Variants in LGR4 observed in about 807,000 individuals in gnomAD.
The protein encoded by LGR4 is leucine rich repeat containing G protein-coupled receptor 4, also known as leucine-rich repeat-containing G protein-coupled receptor 4.
LGR4 carries 44 observed loss-of-function variants against 84.8 expected under a neutral mutation model. The observed-to-expected ratio is 0.52, with a 90% confidence interval of 0.41 to 0.67. The LOEUF (loss-of-function observed/expected upper bound fraction) is 0.67, where lower values mean the gene tolerates loss of function less well. LGR4 is among the 30% of genes least tolerant of loss of function. LGR4 has a pLI of 0.00. For missense variants in LGR4, 1,032 were observed against 1,131.4 expected (o/e 0.91, Z 1.26); for synonymous variants, 429 against 434.3 (o/e 0.99, Z 0.15).
At chr11:27,399,071 CG>C (rs1863447120) in intron 2 of LGR4, among the ~76,000 whole-genome samples, 1 of 152,020 alleles carries the variant, frequency 6.6e-6, no homozygotes, top group Non-Finnish European at 1.5e-5. Context: ...CCACCACACT[CG>C]GCTAATTCTG....
intron 1 of LGR4, among the ~76,000 whole-genome samples, chr11:27,419,823 C>A (rs949946545): frequency 6.6e-6 from 1 of 151,748 alleles, no homozygotes; most frequent in Admixed American, 6.6e-5. Flanking sequence ...GTAAAAGAGG[C>A]TAGATGCAAC....
intron 1 of LGR4, among the ~76,000 whole-genome samples, chr11:27,465,336 C>T (rs760236877): frequency 6.6e-6 from 1 of 152,188 alleles, no homozygotes; most frequent in South Asian, 2.1e-4. Flanking sequence ...AGATGCATAA[C>T]GCCAAATCTT....
chr11:27,445,641 G>C (rs1864377355), intron 1 of LGR4, among the ~76,000 whole-genome samples: 1 of 152,110 alleles, frequency 6.6e-6, no homozygotes, highest in Non-Finnish European at 1.5e-5. Flanking sequence ...CATTTTGGGA[G>C]GCCGAGTAGA....
intron 2 of LGR4, among the ~76,000 whole-genome samples, chr11:27,401,928 G>T (rs189135544): frequency 6.6e-6 from 1 of 152,210 alleles, no homozygotes; most frequent in Non-Finnish European, 1.5e-5. Flanking sequence ...CTGCTAAGTG[G>T]TGAGAAGTAG....
chr11:27,447,349 C>T (rs1454555977), intron 1 of LGR4, among the ~76,000 whole-genome samples: 5 of 152,050 alleles, frequency 3.3e-5, no homozygotes, highest in African/African-American at 1.2e-4. Context: ...GTGTAAGCGT[C>T]CTCTGGACAT....
chr11:27,459,258 C>A (rs1864631395), intron 1 of LGR4, among the ~76,000 whole-genome samples: 1 of 152,152 alleles, frequency 6.6e-6, no homozygotes, highest in Admixed American at 6.6e-5. Flanking sequence ...AAATCATCAA[C>A]TTCTGTCTGT....
At position 27,449,808 on chromosome 11, in the gene LGR4, A is replaced by T. The variant is rs140894435; in HGVS notation, c.185+22310T>A. Among the ~76,000 whole-genome samples the T allele has an allele frequency of 1.9e-3, 294 of 152,324 alleles. 2 individuals carry two copies. Among genetic ancestry groups the T allele is most frequent in the African/African-American group, 6.8e-3 (282 of 41,576 alleles). ...AAACTCTTTAAAAACACTCCAGAAA[A>T]TATAACAGGATGACCTTCAATTGTT... On this transcript the variant is annotated intron_variant, in intron 1 of 17. Coordinates refer to ENST00000379214, the MANE Select transcript of LGR4 (RefSeq NM_018490.5).
chr11:27,447,472 G>A (rs1222503161), intron 1 of LGR4, among the ~76,000 whole-genome samples: 3 of 152,062 alleles, frequency 2.0e-5, no homozygotes, highest in Non-Finnish European at 4.4e-5. Context: ...TACCCTATAT[G>A]GTCTGAAAGG....
chr11:27,437,660 A>T (rs888297266), intron 1 of LGR4, among the ~76,000 whole-genome samples: 1 of 140,044 alleles, frequency 7.1e-6, no homozygotes, highest in African/African-American at 2.7e-5. Flanking sequence ...TTAAAGGACT[A>T]GTGTGTGTGT....
intron 1 of LGR4, among the ~76,000 whole-genome samples, chr11:27,423,670 A>G (rs1180419716): frequency 6.6e-6 from 1 of 152,250 alleles, no homozygotes; most frequent in Admixed American, 6.5e-5. Context: ...CTAATGATTT[A>G]TTCAGCAGAG....
At chr11:27,377,096 C>T (rs1862997637) in intron 12 of LGR4, 62 bp downstream of exon 12, 11 of 939,780 alleles carry the variant, frequency 1.2e-5, no homozygotes, top group South Asian at 7.7e-5. Flanking sequence ...ATTAAAAATA[C>T]GAAATGCTCA....
At chr11:27,405,896 T>C (rs1863598398) in intron 2 of LGR4, among the ~76,000 whole-genome samples, 1 of 152,166 alleles carries the variant, frequency 6.6e-6, no homozygotes, top group African/African-American at 2.4e-5. Context: ...ACTACATTTA[T>C]TGAAGGTCAT....
chr11:27,444,012 A>G (rs1864346099), intron 1 of LGR4, among the ~76,000 whole-genome samples: 1 of 152,116 alleles, frequency 6.6e-6, no homozygotes, highest in African/African-American at 2.4e-5. Flanking sequence ...GGTCTTTCAA[A>G]GCCCTTAATT....
chr11:27,451,788 A>G (rs1309226618), intron 1 of LGR4, among the ~76,000 whole-genome samples: 1 of 152,234 alleles, frequency 6.6e-6, no homozygotes, highest in African/African-American at 2.4e-5. Flanking sequence ...ACAGGCAGAG[A>G]TCCAAGGTCA....
rs1279950055 is a variant in LGR4 at position 27,385,294 on chromosome 11, G to A, written c.576C>T (p.Ile192=). Residue 192 remains isoleucine, a synonymous_variant, in exon 5 of 18, where the codon ATC becomes ATT. Transcript: ENST00000379214. The part of the protein sequence containing the change: ...LTLALNKISS[I]PDFAFTNLSS... ...AAAGGTTGGTAAATGCAAAGTCAGGGATGCTTGAGATCTTGTTGAGAGCCA... is the reference window on the plus strand; with the variant it reads ...AAAGGTTGGTAAATGCAAAGTCAGGAATGCTTGAGATCTTGTTGAGAGCCA... 1.9e-6 allele frequency: 3 copies of A among 1,599,596 alleles called. No homozygotes were observed. Among genetic ancestry groups the A allele is most frequent in the Non-Finnish European group, 2.6e-6 (3 of 1,172,044 alleles).
chr11:27,384,145 G>C (rs1863146595), intron 6 of LGR4, 191 bp downstream of exon 6: 2 of 494,426 alleles, frequency 4.0e-6, no homozygotes, highest in East Asian at 6.8e-5. Flanking sequence ...TTCACACTTT[G>C]CCATTTTTAG....
intron 1 of LGR4, among the ~76,000 whole-genome samples, chr11:27,448,554 AGT>A (rs1864431689): frequency 6.6e-6 from 1 of 152,088 alleles, no homozygotes; most frequent in East Asian, 1.9e-4. Context: ...AGCCTCCCAA[AGT>A]GCTAGGATTA....
chr11:27,396,527 T>A (rs1308186938), intron 2 of LGR4, among the ~76,000 whole-genome samples: 10 of 151,614 alleles, frequency 6.6e-5, no homozygotes, highest in East Asian at 1.9e-4. Flanking sequence ...TTGTTTGTTT[T>A]TTATTATTAT....
Position 27,472,266 on chromosome 11 carries a change from G to T in LGR4, c.37C>A (p.Leu13Met). Reference protein sequence around the residue: ...GPLGLLCFLALGLLGSAGPSG... With the variant: ...GPLGLLCFLAMGLLGSAGPSG... ...GGCCCGGCCGAGCCGAGCAGCCCCA[G>T]GGCGAGGAAGCAGAGCAGCCCTAGC... Residue 13 changes from leucine to methionine, a missense_variant, in exon 1 of 18, where the codon CTG (leucine) becomes ATG (methionine). Leu to Met is a conservative substitution (Grantham distance 15, BLOSUM62 2). Transcript: ENST00000379214. 2.4e-6 allele frequency: 3 copies of T among 1,272,130 alleles called. No homozygotes were observed. The highest frequency in any genetic ancestry group is 3.0e-6 in the Non-Finnish European group (3 of 1,014,684). 78.8% of individuals were successfully genotyped at this position (1,272,130 alleles called of 1,614,324 possible).
Sources: gnomAD v4.1 joint callset for allele counts (sites outside exome capture counted in the v4.1 genomes callset) on GRCh38, gnomAD v4.1.1 for gene constraint, MANE v1.5 for transcripts, NCBI Gene and HGNC (gene_info 2026-07-23, HGNC 2026-07-21) for gene names.